The following FZR1 variants were observed in gnomAD, a reference collection of about 807,000 sequenced individuals.
FZR1 encodes the protein fizzy and cell division cycle 20 related 1.
A neutral mutation model predicts 63.6 loss-of-function variants in FZR1; 11 were observed. That is an observed-to-expected ratio of 0.17 (90% CI 0.11 to 0.29). FZR1 has a LOEUF of 0.29. Ranked by LOEUF, FZR1 falls within the 10% of genes least tolerant of loss-of-function variation. The pLI, the probability that FZR1 is intolerant of heterozygous loss-of-function variation, is 1.00. For synonymous variants in FZR1, 328 were observed against 297.9 expected, an observed-to-expected ratio of 1.10 and a Z score of -1.04; for missense variants, 440 against 687.5, an observed-to-expected ratio of 0.64 and a Z score of 4.03.
At chr19:3,511,093 C>T (rs1413467670) in intron 1 of FZR1, among the ~76,000 whole-genome samples, 1 of 152,258 alleles carries the variant, frequency 6.6e-6, no homozygotes, top group Non-Finnish European at 1.5e-5. Flanking sequence ...TGAGAGACCA[C>T]AGGCGTGGTG....
At chr19:3,528,233 C>A (rs143445204) in intron 7 of FZR1, among the ~76,000 whole-genome samples, 2 of 152,348 alleles carry the variant, frequency 1.3e-5, no homozygotes, top group Admixed American at 1.3e-4. Context: ...GGCCTCTGGG[C>A]GCATGGAGCC....
chr19:3,511,406 T>C (rs997979162), intron 1 of FZR1, among the ~76,000 whole-genome samples: 5 of 152,134 alleles, frequency 3.3e-5, no homozygotes, highest in African/African-American at 1.2e-4. Flanking sequence ...TGCTATTCAC[T>C]CTAGACTGCC....
chr19:3,509,085 C>T (rs1253510851), intron 1 of FZR1, among the ~76,000 whole-genome samples: 2 of 152,364 alleles, frequency 1.3e-5, no homozygotes, highest in African/African-American at 2.4e-5. Context: ...GTGACCTGCT[C>T]GTCAACTCCG....
chr19:3,528,804 T>A (rs1482098170), intron 7 of FZR1, among the ~76,000 whole-genome samples: 12 of 88,342 alleles, frequency 1.4e-4, no homozygotes, highest in African/African-American at 5.6e-4. Flanking sequence ...AGTGGATGGG[T>A]ACGTGGATGG....
intron 7 of FZR1, among the ~76,000 whole-genome samples, chr19:3,529,822 GGGT>G (rs1278449378): frequency 8.9e-6 from 1 of 112,952 alleles, no homozygotes; most frequent in African/African-American, 5.3e-5. Context: ...TTGAGTGGAT[GGGT>G]GAGCGGATGG....
intron 1 of FZR1, among the ~76,000 whole-genome samples, chr19:3,520,515 C>T (rs557201961): frequency 2.6e-5 from 4 of 152,266 alleles, no homozygotes; most frequent in South Asian, 2.1e-4. Flanking sequence ...CGCTGGCACC[C>T]GTCCATGAGG....
At chr19:3,508,307 C>T (rs2083000763) in intron 1 of FZR1, among the ~76,000 whole-genome samples, 1 of 150,780 alleles carries the variant, frequency 6.6e-6, no homozygotes, top group Non-Finnish European at 1.5e-5. Flanking sequence ...AGTGATTCTC[C>T]TGCCTCAGCC....
rs532259131 is a variant in FZR1 at position 3,529,273 on chromosome 19, TGA to T, written c.654+1463_654+1464del. On this transcript the variant is annotated intron_variant, in intron 7 of 13. Coordinates refer to ENST00000441788, the MANE Select transcript of FZR1 (RefSeq NM_016263.4). ...TTGAGGGAGTGGATGGGAGAGTGGA[TGA>T]GAGTGGTTGAGGAAGTGGATGGTTG... 3.1e-4 allele frequency among the ~76,000 whole-genome samples: 39 copies of T among 127,266 alleles called. No homozygotes were observed. In the East Asian group the frequency reaches 4.4e-3, roughly 14 times the overall value. The allele number at this position is 127,266 out of a possible 152,430, so 83.5% of individuals were successfully genotyped here.
chr19:3,536,384 CTG>C lies in FZR1; in HGVS notation c.*1551_*1552del, dbSNP rs906396010. On this transcript the variant is annotated 3_prime_UTR_variant, in exon 14 of 14. Transcript: ENST00000441788. ...GTCTGGGTGGGGCGCGGACCCCTCA[CTG>C]TGCGCCTGTGCAGGGGGTGCTGGTG... is the stretch of plus-strand genomic sequence containing the variant. The C allele has an allele frequency of 6.6e-6, 1 of 152,266 alleles. No homozygotes were observed. Among genetic ancestry groups the C allele is most frequent in the African/African-American group, 2.4e-5 (1 of 41,466 alleles). The allele number at this position is 152,266 out of a possible 1,614,324, so 9.4% of individuals were successfully genotyped here. A position where few individuals can be genotyped will look rare whatever the true frequency, so the allele number is the denominator to read the frequency against.
Position 3,526,238 on chromosome 19 carries a change from C to T in FZR1, c.260-21C>T. ...GCCCCCACCCTGCCTTGCCCCGCCT[C>T]ACTGTGCTTGGTGCCCGCAGACGGC... is the stretch of plus-strand genomic sequence containing the variant. On this transcript the variant is annotated intron_variant, in intron 4 of 13. Coordinates refer to ENST00000441788, the MANE Select transcript of FZR1 (RefSeq NM_016263.4). This position sits in a 1 kb window ranked among gnomAD's most constrained non-coding sequence, Gnocchi z 5.4. 6.2e-7 allele frequency: 1 copy of T among 1,612,058 alleles called. No individual in the cohort carries two copies. The highest frequency in any genetic ancestry group is 8.5e-7 in the Non-Finnish European group (1 of 1,179,884).
chr19:3,527,991 C>A (rs1275774953), intron 7 of FZR1, among the ~76,000 whole-genome samples, 177 bp downstream of exon 7: 1 of 151,936 alleles, frequency 6.6e-6, no homozygotes, highest in Non-Finnish European at 1.5e-5. Context: ...CCTCCCAGCC[C>A]TCCCAGCCAT....
At chr19:3,511,964 C>T (rs992778179) in intron 1 of FZR1, among the ~76,000 whole-genome samples, 1 of 152,214 alleles carries the variant, frequency 6.6e-6, no homozygotes, top group Admixed American at 6.5e-5. Flanking sequence ...CTCCGCTAGG[C>T]CCCGGCTCTG....
chr19:3,535,412 C>T lies in FZR1; in HGVS notation c.*576C>T, dbSNP rs1325022455. 1 of 153,884 alleles carries T rather than the reference C, an allele frequency of 6.5e-6. No homozygotes were observed. The highest frequency in any genetic ancestry group is 1.4e-5 in the Non-Finnish European group (1 of 69,218). 9.5% of individuals were successfully genotyped at this position (153,884 alleles called of 1,614,324 possible). On this transcript the variant is annotated 3_prime_UTR_variant, in exon 14 of 14. Transcript: ENST00000441788. ...TGTGGATCCAAGAGACAGTCCCCAC[C>T]TGGGCTTCACGGCATCCTTGCAGCC...
Position 3,533,271 on chromosome 19 carries a change from G to A in FZR1, c.1243-23G>A, listed in dbSNP as rs369672157. Reference sequence around the variant, plus strand: ...CCGGCCTCGTTGCCCCTCACCGACCGCAGCGCCCCCTCCGCCCTCCAGGTG... The same window carrying A: ...CCGGCCTCGTTGCCCCTCACCGACCACAGCGCCCCCTCCGCCCTCCAGGTG... On this transcript the variant is annotated intron_variant, in intron 11 of 13. Transcript: ENST00000441788. The surrounding 1 kb of genome is among the most constrained non-coding windows in gnomAD (Gnocchi z 4.9). 14 of 1,473,928 alleles carry A rather than the reference G, an allele frequency of 9.5e-6. No homozygotes were observed. Among genetic ancestry groups the A allele is most frequent in the South Asian group, 2.3e-5 (2 of 88,400 alleles). 91.3% of individuals were successfully genotyped at this position (1,473,928 alleles called of 1,614,324 possible). A position where few individuals can be genotyped will look rare whatever the true frequency, so the allele number is the denominator to read the frequency against.
At chr19:3,521,799 C>T (rs1243996597) in intron 1 of FZR1, among the ~76,000 whole-genome samples, 2 of 151,794 alleles carry the variant, frequency 1.3e-5, no homozygotes, top group Non-Finnish European at 2.9e-5. Context: ...CGTGCCTGGC[C>T]AGAACTGCAC....
rs756416433 is a variant in FZR1 at position 3,537,930 on chromosome 19, C to T, written c.*3094C>T. The T allele has an allele frequency of 1.5e-3, 224 of 152,700 alleles. 2 individuals carry two copies. Among genetic ancestry groups the T allele is most frequent in the Middle Eastern group, 3.4e-3 (1 of 296 alleles). The allele number at this position is 152,700 out of a possible 1,614,324, so 9.5% of individuals were successfully genotyped here. A position where few individuals can be genotyped will look rare whatever the true frequency, so the allele number is the denominator to read the frequency against. On this transcript the variant is annotated 3_prime_UTR_variant, in exon 14 of 14. Transcript: ENST00000441788. ...CTCACCACAAGCCTGGCATTTCAGC[C>T]AGGGCTGGAGAAGGCAGGGACGCCT...
chr19:3,534,417 A>C lies in FZR1; in HGVS notation c.1348-4A>C, dbSNP rs777585468. 1 of 1,569,086 alleles carries C rather than the reference A, an allele frequency of 6.4e-7. No individual in the cohort carries two copies. Among genetic ancestry groups the C allele is most frequent in the Admixed American group, 1.7e-5 (1 of 58,408 alleles). On this transcript the variant is annotated splice_region_variant and splice_polypyrimidine_tract_variant and intron_variant, in intron 12 of 13. Coordinates refer to ENST00000441788, the MANE Select transcript of FZR1 (RefSeq NM_016263.4). ...GACATGGGGTGCTTCCCTCCTGTCC[A>C]CAGGCAATGTCCCCTGATGGGGAGG...
chr19:3,510,911 G>A (rs548593403), intron 1 of FZR1, among the ~76,000 whole-genome samples: 10 of 152,238 alleles, frequency 6.6e-5, no homozygotes, highest in African/African-American at 1.2e-4. Context: ...ACAGCGTTCC[G>A]GCCCAAATGT....
At position 3,515,437 on chromosome 19, in the gene FZR1, G is replaced by T. The variant is rs1568230201; in HGVS notation, c.-34-7519G>T. Among the ~76,000 whole-genome samples, 1 of 152,058 alleles carries T rather than the reference G, an allele frequency of 6.6e-6. No homozygotes were observed. On this transcript the variant is annotated intron_variant, in intron 1 of 13. Transcript: ENST00000441788. This position sits in a 1 kb window ranked among gnomAD's most constrained non-coding sequence, Gnocchi z 4.6. Reference sequence around the variant, plus strand: ...CCTGGCCCATCTCTGACCGTGGTTTGTTTTTTTGAATACCTCACAGTTCAC... The same window carrying T: ...CCTGGCCCATCTCTGACCGTGGTTTTTTTTTTTGAATACCTCACAGTTCAC...
Sources: gnomAD v4.1 joint callset for allele counts (sites outside exome capture counted in the v4.1 genomes callset) on GRCh38, gnomAD v4.1.1 for gene constraint, Gnocchi (gnomAD v3.1) non-coding constraint, MANE v1.5 for transcripts, NCBI Gene and HGNC (gene_info 2026-07-23, HGNC 2026-07-21) for gene names.